SKOR1: variants seen among roughly 807,000 people sequenced by gnomAD.
The protein encoded by SKOR1 is LBX1 corepressor 1.
SKOR1 carries 38 observed loss-of-function variants against 72.4 expected under a neutral mutation model. The observed-to-expected ratio is 0.52, with a 90% CI of 0.40 to 0.69. The LOEUF (loss-of-function observed/expected upper bound fraction) is 0.69, where lower values mean the gene tolerates loss of function less well. SKOR1 is among the 30% of genes least tolerant of loss of function. The pLI is 0.00. For missense variants in SKOR1, 1,320 were observed against 1,343.2 expected (o/e 0.98, Z 0.27); for synonymous variants, 642 against 599.4 (o/e 1.07, Z -1.04).
chr15:67,832,376 A>C lies in SKOR1; in HGVS notation c.2662+28A>C. 3 of 1,610,646 alleles carry C rather than the reference A, an allele frequency of 1.9e-6. No individual in the cohort carries two copies. Among genetic ancestry groups the C allele is most frequent in the Non-Finnish European group, 2.5e-6 (3 of 1,177,546 alleles). On this transcript the variant is annotated intron_variant, in intron 6 of 8. Coordinates refer to ENST00000380035, the MANE Select transcript of SKOR1 (RefSeq NM_001365915.1). This position sits in a 1 kb window ranked among gnomAD's most constrained non-coding sequence, Gnocchi z 4.5. ...ACCCACTGCCATCCTGCCTCACCCC[A>C]CCTCATCACCGAGCCTTCCACCAGG... is the stretch of plus-strand genomic sequence containing the variant.
At position 67,832,639 on chromosome 15, in the gene SKOR1, G is replaced by T. The variant is rs771897397; in HGVS notation, c.2695G>T (p.Ala899Ser). 3.1e-6 allele frequency: 5 copies of T among 1,613,974 alleles called. No individual in the cohort carries two copies. Among genetic ancestry groups the T allele is most frequent in the Non-Finnish European group, 4.2e-6 (5 of 1,180,016 alleles). ...TCAGGATCAAATGAAGAGGGAATTG[G>T]CTTATCGAGAAGAAATGGTGCAACA... ...NFQDQMKREL[A>S]YREEMVQQLQ... Residue 899 changes from alanine to serine, a missense_variant, in exon 7 of 9, where the codon GCT becomes TCT. By Grantham distance (99) the Ala-to-Ser change is moderately conservative. This residue lies in a region of SKOR1 where 1,099 missense variants were observed against 1,025.5 expected (regional missense o/e 1.07). Transcript: ENST00000380035. The surrounding 1 kb of genome is among the most constrained non-coding windows in gnomAD (Gnocchi z 4.5).
At chr15:67,829,601 C>T (rs976953161) in intron 3 of SKOR1, among the ~76,000 whole-genome samples, 2 of 152,256 alleles carry the variant, frequency 1.3e-5, no homozygotes, top group African/African-American at 2.4e-5. Context: ...GCCGCGGGGT[C>T]CCCTTTGGCT....
chr15:67,831,077 T>G (rs1236435942), intron 5 of SKOR1, among the ~76,000 whole-genome samples, 188 bp downstream of exon 5: 1 of 152,078 alleles, frequency 6.6e-6, no homozygotes, highest in Non-Finnish European at 1.5e-5. Flanking sequence ...CACAGAGGTA[T>G]GTATGTGTGG....
Position 67,832,717 on chromosome 15 carries a change from G to GT in SKOR1, c.2737+37dup, listed in dbSNP as rs1566977470. The GT allele has an allele frequency of 1.3e-6, 2 of 1,562,792 alleles. No homozygotes were observed. Among genetic ancestry groups the GT allele is most frequent in the Non-Finnish European group, 1.8e-6 (2 of 1,133,872 alleles). On this transcript the variant is annotated intron_variant, in intron 7 of 8. Transcript: ENST00000380035. This position sits in a 1 kb window ranked among gnomAD's most constrained non-coding sequence, Gnocchi z 4.5. Reference sequence around the variant, plus strand: ...AGTCAGGTGAGCTCGTGCACGGGCCGTAACTGCCTCTCGTCTGGCAGGAGC... The same window carrying GT: ...AGTCAGGTGAGCTCGTGCACGGGCCGTTAACTGCCTCTCGTCTGGCAGGAGC...
Position 67,832,511 on chromosome 15 carries a change from G to T in SKOR1, c.2663-96G>T, listed in dbSNP as rs1160233040. 1.5e-6 allele frequency: 2 copies of T among 1,331,972 alleles called. No homozygotes were observed. Among genetic ancestry groups the T allele is most frequent in the Admixed American group, 1.8e-5 (1 of 56,242 alleles). 82.5% of individuals were successfully genotyped at this position (1,331,972 alleles called of 1,614,324 possible). A position where few individuals can be genotyped will look rare whatever the true frequency, so the allele number is the denominator to read the frequency against. ...GCTGCAGGCGAATGGCTGGGTGGGA[G>T]TTGGGGGTAGGGGTGAAAGGGGGGG... On this transcript the variant is annotated intron_variant, in intron 6 of 8. Coordinates refer to ENST00000380035, the MANE Select transcript of SKOR1 (RefSeq NM_001365915.1). The surrounding 1 kb of genome is among the most constrained non-coding windows in gnomAD (Gnocchi z 4.5).
Position 67,832,224 on chromosome 15 carries a change from A to G in SKOR1, c.2588-50A>G. 1 of 1,582,566 alleles carries G rather than the reference A, an allele frequency of 6.3e-7. No individual in the cohort carries two copies. The highest frequency in any genetic ancestry group is 8.7e-7 in the Non-Finnish European group (1 of 1,152,280). On this transcript the variant is annotated intron_variant, in intron 5 of 8. Transcript: ENST00000380035. This position sits in a 1 kb window ranked among gnomAD's most constrained non-coding sequence, Gnocchi z 4.5. ...GGCCAAGGCAGAACCTGAGCTCCAA[A>G]TAACCCTGCTTTACCTCCCACTTTA...
rs2091019859 is a variant in SKOR1, at chr15:67,832,936, A to G, written c.2737+255A>G. ...TCCATGGTTTCTAAATTAAAAATCG[A>G]GGCGTAAAATTACCTGGGAAGTAAT... On this transcript the variant is annotated intron_variant, in intron 7 of 8. Transcript: ENST00000380035. This position sits in a 1 kb window ranked among gnomAD's most constrained non-coding sequence, Gnocchi z 4.5. 3 of 598,834 alleles carry G rather than the reference A, an allele frequency of 5.0e-6. No homozygotes were observed. Among genetic ancestry groups the G allele is most frequent in the South Asian group, 4.1e-5 (2 of 48,794 alleles). 37.1% of individuals were successfully genotyped at this position (598,834 alleles called of 1,614,324 possible). A position where few individuals can be genotyped will look rare whatever the true frequency, so the allele number is the denominator to read the frequency against.
rs1387370606 is a variant in SKOR1 at position 67,833,803 on chromosome 15, C to T, written c.2865C>T (p.Gly955=). 1.9e-6 allele frequency: 3 copies of T among 1,612,490 alleles called. No homozygotes were observed. The highest frequency in any genetic ancestry group is 3.3e-5 in the Admixed American group (2 of 60,012). ...CKMLTPRHCT[G]NCSFKPPLLP ...TGCTGACGCCCCGCCACTGCACTGG[C>T]AACTGCTCCTTCAAGCCACCGCTGT... The change falls in exon 9 of 9, where the codon GGC becomes GGT. Residue 955 remains glycine (G), a synonymous_variant. Transcript: ENST00000380035. The surrounding 1 kb of genome is among the most constrained non-coding windows in gnomAD (Gnocchi z 6.0).
In SKOR1 at chr15:67,826,228, C is replaced by A; in HGVS notation, c.400C>A (p.Gln134Lys). The A allele has an allele frequency of 6.2e-7, 1 of 1,613,246 alleles. No individual in the cohort carries two copies. Among genetic ancestry groups the A allele is most frequent in the Non-Finnish European group, 8.5e-7 (1 of 1,180,020 alleles). ...GITCVQCTPVQLEILRRAGAM... is the reference protein window; with the variant it reads ...GITCVQCTPVKLEILRRAGAM... ...CACGTGCGTGCAGTGCACGCCGGTA[C>A]AGCTGGAGATTCTGCGTCGGGCCGG... Residue 134 changes from glutamine (Q) to lysine (K), a missense_variant, in exon 2 of 9, where the codon CAG becomes AAG. Transcript: ENST00000380035.
In SKOR1 at chr15:67,834,127, G is replaced by A. The variant is rs567699918; in HGVS notation, c.*291G>A. 1 of 485,194 alleles carries A rather than the reference G, an allele frequency of 2.1e-6. No individual in the cohort carries two copies. Among genetic ancestry groups the A allele is most frequent in the East Asian group, 3.8e-5 (1 of 26,248 alleles). 30.1% of individuals were successfully genotyped at this position (485,194 alleles called of 1,614,324 possible). On this transcript the variant is annotated 3_prime_UTR_variant, in exon 9 of 9. Coordinates refer to ENST00000380035, the MANE Select transcript of SKOR1 (RefSeq NM_001365915.1). This position sits in a 1 kb window ranked among gnomAD's most constrained non-coding sequence, Gnocchi z 5.8. ...ACCTCAAGGGGTTAACTGGACAGAC[G>A]GGGGGCGGGAGGGGAGAGCGCCCCC...
rs909180449 is a variant in SKOR1, at chr15:67,827,153, G to A, written c.1325G>A (p.Gly442Glu). 4.4e-6 allele frequency: 6 copies of A among 1,359,756 alleles called. No homozygotes were observed. The African/African-American group carries it at 7.6e-5, about 17-fold the overall frequency. 84.2% of individuals were successfully genotyped at this position (1,359,756 alleles called of 1,614,324 possible). A position where few individuals can be genotyped will look rare whatever the true frequency, so the allele number is the denominator to read the frequency against. ...AGTGGGAGGPGASHLPPGAGA... is the reference protein window; with the variant it reads ...AGTGGGAGGPEASHLPPGAGA... ...ACAGGCGGGGGTGCGGGGGGCCCGG[G>A]AGCCAGCCACTTGCCCCCGGGGGCA... The change falls in exon 2 of 9, where the codon GGA becomes GAA. Residue 442 changes from glycine to glutamate, a missense_variant. Gly to Glu is a moderately conservative substitution (Grantham distance 98). This residue lies in a region of SKOR1 where 1,099 missense variants were observed against 1,025.5 expected (regional missense o/e 1.07). Coordinates refer to ENST00000380035, the MANE Select transcript of SKOR1 (RefSeq NM_001365915.1).
chr15:67,831,970 G>A (rs994751809), intron 5 of SKOR1, among the ~76,000 whole-genome samples: 4 of 151,034 alleles, frequency 2.6e-5, no homozygotes, highest in Admixed American at 6.6e-5. Flanking sequence ...TCAAGTTTCC[G>A]TGGGCCAGCC....
At chr15:67,831,150 G>A (rs1246275835) in intron 5 of SKOR1, among the ~76,000 whole-genome samples, 2 of 152,162 alleles carry the variant, frequency 1.3e-5, no homozygotes, top group East Asian at 3.8e-4. Context: ...CCCAAGGCCC[G>A]GGTCTGTCTG....
chr15:67,833,185 C>T lies in SKOR1; in HGVS notation c.2738-7C>T. On this transcript the variant is annotated splice_region_variant and splice_polypyrimidine_tract_variant and intron_variant, in intron 7 of 8. Coordinates refer to ENST00000380035, the MANE Select transcript of SKOR1 (RefSeq NM_001365915.1). The surrounding 1 kb of genome is among the most constrained non-coding windows in gnomAD (Gnocchi z 6.0). The stretch of plus-strand genomic sequence containing the variant: ...TTTCCTCACTGGCCCCTCCCCTTGT[C>T]TTCCAGATACCCTGTGTAACGAACT... 1.2e-6 allele frequency: 2 copies of T among 1,614,120 alleles called. No homozygotes were observed. The highest frequency in any genetic ancestry group is 8.5e-7 in the Non-Finnish European group (1 of 1,180,012).
rs1398123256 is a variant in SKOR1, at chr15:67,828,130, C to T, written c.2302C>T (p.Pro768Ser). The T allele has an allele frequency of 1.4e-5, 21 of 1,486,988 alleles. No individual in the cohort carries two copies. Among genetic ancestry groups the T allele is most frequent in the Non-Finnish European group, 1.8e-5 (20 of 1,127,328 alleles). 92.1% of individuals were successfully genotyped at this position (1,486,988 alleles called of 1,614,324 possible). ...LREPCGPLGG[P>S]APAKVFAPER... ...AGAGCCTTGCGGGCCCCTAGGAGGC[C>T]CCGCGCCGGCCAAGGTGAGCCCCGC... The change falls in exon 2 of 9, where the codon CCC becomes TCC. Residue 768 changes from proline to serine, a missense_variant. By Grantham distance (74) the Pro-to-Ser change is moderately conservative. Transcript: ENST00000380035.
rs779108084 is a variant in SKOR1, at chr15:67,825,878, AG to A, written c.108-57del. On this transcript the variant is annotated intron_variant, in intron 1 of 8. Coordinates refer to ENST00000380035, the MANE Select transcript of SKOR1 (RefSeq NM_001365915.1). This position sits in a 1 kb window ranked among gnomAD's most constrained non-coding sequence, Gnocchi z 5.6. ...CGGAGCGCCCTGCTGGGCGGGCCCG[AG>A]CCTCGGCGGCGGCGCTGAAAATGGC... 8 of 1,509,394 alleles carry A rather than the reference AG, an allele frequency of 5.3e-6. No individual in the cohort carries two copies. The highest frequency in any genetic ancestry group is 7.0e-6 in the Non-Finnish European group (8 of 1,135,904). 93.5% of individuals were successfully genotyped at this position (1,509,394 alleles called of 1,614,324 possible). A position where few individuals can be genotyped will look rare whatever the true frequency, so the allele number is the denominator to read the frequency against.
At chr15:67,830,371 A>G in intron 4 of SKOR1, 73 bp downstream of exon 4, 1 of 1,296,208 alleles carries the variant, frequency 7.7e-7, no homozygotes, top group Non-Finnish European at 1.1e-6. Context: ...AGGTTCCCAG[A>G]GGCTTGCGAG....
chr15:67,829,050 C>G, intron 2 of SKOR1, 129 bp from the exon 3 acceptor site: 6 of 781,222 alleles, frequency 7.7e-6, no homozygotes, highest in Non-Finnish European at 1.2e-5. Context: ...TGTGCCCGCT[C>G]AAGTCCAGCG....
chr15:67,825,876 C>G lies in SKOR1; in HGVS notation c.108-60C>G. 5 of 1,509,256 alleles carry G rather than the reference C, an allele frequency of 3.3e-6. No homozygotes were observed. The highest frequency in any genetic ancestry group is 2.3e-5 in the East Asian group (1 of 44,050). The allele number at this position is 1,509,256 out of a possible 1,614,324, so 93.5% of individuals were successfully genotyped here. On this transcript the variant is annotated intron_variant, in intron 1 of 8. Coordinates refer to ENST00000380035, the MANE Select transcript of SKOR1 (RefSeq NM_001365915.1). The surrounding 1 kb of genome is among the most constrained non-coding windows in gnomAD (Gnocchi z 5.6). ...CTCGGAGCGCCCTGCTGGGCGGGCC[C>G]GAGCCTCGGCGGCGGCGCTGAAAAT...
Sources: gnomAD v4.1 joint callset for allele counts (sites outside exome capture counted in the v4.1 genomes callset) on GRCh38, gnomAD v4.1.1 for gene constraint, gnomAD v4.1.1 regional missense constraint, Gnocchi (gnomAD v3.1) non-coding constraint, MANE v1.5 for transcripts, NCBI Gene and HGNC (gene_info 2026-07-23, HGNC 2026-07-21) for gene names.